The following KIAA1671 variants were observed in gnomAD, a reference collection of about 807,000 sequenced individuals.
The protein encoded by KIAA1671 is KIAA1671, also known as uncharacterized protein KIAA1671.
A neutral mutation model predicts 131.2 loss-of-function variants in KIAA1671; 52 were observed. The ratio of observed to expected loss-of-function variants is 0.40; its 90% CI spans 0.32 to 0.50. The LOEUF (loss-of-function observed/expected upper bound fraction) is 0.50, where lower values mean the gene tolerates loss of function less well. KIAA1671 is among the 20% of genes least tolerant of loss of function. The pLI, the probability that KIAA1671 is intolerant of heterozygous loss-of-function variation, is 0.73. For synonymous variants in KIAA1671, 1,003 were observed against 961.6 expected (o/e 1.04, Z -0.80); for missense variants, 2,360 against 2,364.2 (o/e 1.00, Z 0.04).
intron 2 of KIAA1671, among the ~76,000 whole-genome samples, chr22:25,027,541 A>G (rs1404335979): frequency 6.6e-6 from 1 of 152,202 alleles, no homozygotes; most frequent in East Asian, 1.9e-4. Flanking sequence ...TTTGGTGTCA[A>G]ACCTGGTTTT....
intron 1 of KIAA1671, among the ~76,000 whole-genome samples, chr22:24,972,460 G>A (rs966428452): frequency 1.3e-5 from 2 of 151,862 alleles, no homozygotes; most frequent in African/African-American, 2.4e-5. Context: ...ATGCATGCAC[G>A]CATGCATGCA....
At chr22:25,138,997 C>T (rs1932764906) in intron 6 of KIAA1671, among the ~76,000 whole-genome samples, 1 of 152,210 alleles carries the variant, frequency 6.6e-6, no homozygotes, top group African/African-American at 2.4e-5. Context: ...AAAACAACTT[C>T]AGTGCTTGAG....
At chr22:25,105,388 T>C (rs1470546204) in intron 6 of KIAA1671, among the ~76,000 whole-genome samples, 1 of 152,228 alleles carries the variant, frequency 6.6e-6, no homozygotes, top group Non-Finnish European at 1.5e-5. Context: ...TCGCCTCACA[T>C]TGTAAAAGAA....
chr22:24,972,915 C>T (rs1041921077), intron 1 of KIAA1671, among the ~76,000 whole-genome samples: 1 of 152,120 alleles, frequency 6.6e-6, no homozygotes, highest in Non-Finnish European at 1.5e-5. Context: ...TGTCTGCTTT[C>T]GATGGGGTGG....
intron 1 of KIAA1671, among the ~76,000 whole-genome samples, chr22:24,971,742 C>A (rs1333928524): frequency 6.6e-6 from 1 of 152,042 alleles, no homozygotes; most frequent in African/African-American, 2.4e-5. Flanking sequence ...GGTCGTGGAT[C>A]ATGAAGGAAA....
chr22:24,976,695 C>T (rs1922934133), intron 1 of KIAA1671, among the ~76,000 whole-genome samples: 1 of 152,350 alleles, frequency 6.6e-6, no homozygotes, highest in East Asian at 1.9e-4. Flanking sequence ...CTGCCTGCTC[C>T]CCACATGCTG....
chr22:25,040,504 T>C lies in KIAA1671; in HGVS notation c.3374T>C (p.Ile1125Thr), dbSNP rs1602090355. Residue 1125 changes from isoleucine to threonine, a missense_variant, in exon 5 of 13, where the codon ATT becomes ACT. Transcript: ENST00000358431. ...WSLDPFNGRI[I>T]DVDALWSHRG... ...CTGGACCCTTTCAATGGAAGAATCA[T>C]TGATGTGGATGCCTTATGGAGTCAT... 1.9e-6 allele frequency: 3 copies of C among 1,551,832 alleles called. No homozygotes were observed. The East Asian group carries it at 7.3e-5, about 38-fold the overall frequency.
intron 1 of KIAA1671, among the ~76,000 whole-genome samples, chr22:24,963,966 A>G (rs1922158540): frequency 6.6e-6 from 1 of 150,880 alleles, no homozygotes; most frequent in Admixed American, 6.6e-5. Context: ...AGTTTGCAGG[A>G]GATAACTGAG....
intron 1 of KIAA1671, among the ~76,000 whole-genome samples, chr22:25,007,267 C>G (rs983933302): frequency 1.3e-5 from 2 of 152,036 alleles, no homozygotes; most frequent in Non-Finnish European, 2.9e-5. Flanking sequence ...GCGGGCGGAT[C>G]ACGAGGTCAA....
At chr22:25,127,340 C>T (rs1252113308) in intron 6 of KIAA1671, among the ~76,000 whole-genome samples, 2 of 152,138 alleles carry the variant, frequency 1.3e-5, no homozygotes, top group East Asian at 1.9e-4. Flanking sequence ...ATGACGGAAC[C>T]GTGGCACAGG....
chr22:25,079,233 CT>C (rs67245632), intron 6 of KIAA1671, among the ~76,000 whole-genome samples: 37,974 of 146,486 alleles, frequency 0.26, 5,646 homozygotes, highest in African/African-American at 0.43. Flanking sequence ...CAGGGACTAA[CT>C]TTTTTTTTTT....
intron 6 of KIAA1671, among the ~76,000 whole-genome samples, chr22:25,104,892 G>A (rs2145902636): frequency 6.6e-6 from 1 of 152,180 alleles, no homozygotes; most frequent in Non-Finnish European, 1.5e-5. Flanking sequence ...TAGATACACT[G>A]AGCTCTTCAG....
intron 8 of KIAA1671, 122 bp downstream of exon 8, chr22:25,174,611 T>C (rs1933963342): frequency 8.8e-7 from 1 of 1,142,588 alleles, no homozygotes; most frequent in Non-Finnish European, 1.2e-6. Flanking sequence ...GAGGGCACTG[T>C]CTTTGAAATG....
intron 6 of KIAA1671, among the ~76,000 whole-genome samples, chr22:25,099,193 G>A (rs1019041293): frequency 3.4e-5 from 5 of 147,868 alleles, no homozygotes; most frequent in Non-Finnish European, 5.9e-5. Context: ...GGGGATGCTT[G>A]TTTTGTTCCC....
intron 6 of KIAA1671, among the ~76,000 whole-genome samples, chr22:25,108,849 T>A (rs1931172377): frequency 6.6e-6 from 1 of 152,142 alleles, no homozygotes; most frequent in African/African-American, 2.4e-5. Flanking sequence ...GACGTTGTAC[T>A]CAAGATACTG....
chr22:24,983,460 C>T (rs1923334888), intron 1 of KIAA1671, among the ~76,000 whole-genome samples: 2 of 151,952 alleles, frequency 1.3e-5, no homozygotes, highest in African/African-American at 4.8e-5. Flanking sequence ...TCATTCAGAC[C>T]TAACTAATTA....
At chr22:25,067,890 C>G (rs534000340) in intron 6 of KIAA1671, among the ~76,000 whole-genome samples, 5 of 152,388 alleles carry the variant, frequency 3.3e-5, no homozygotes, top group Admixed American at 2.0e-4. Context: ...CTATTAATCC[C>G]TCAGTTAGCG....
At chr22:25,170,734 CATGCG>C in intron 6 of KIAA1671, 81 bp from the exon 7 acceptor site, 1 of 1,324,090 alleles carries the variant, frequency 7.6e-7, no homozygotes, top group East Asian at 2.5e-5. Flanking sequence ...AGCTGGGGGC[CATGCG>C]ATCTGATTTG....
chr22:25,173,458 C>A (rs1346617543), intron 7 of KIAA1671, among the ~76,000 whole-genome samples: 1 of 152,244 alleles, frequency 6.6e-6, no homozygotes, highest in South Asian at 2.1e-4. Context: ...TAATGCAGGT[C>A]CCACCACCTG....
Sources: allele counts gnomAD v4.1 joint callset (sites outside exome capture counted in the v4.1 genomes callset), GRCh38; gene constraint gnomAD v4.1.1; transcripts MANE v1.5; gene names NCBI Gene and HGNC (gene_info 2026-07-23, HGNC 2026-07-21).